The following PDE11A variants were observed in gnomAD, a reference collection of about 807,000 sequenced individuals.
PDE11A encodes the protein phosphodiesterase 11A, also known as dual 3',5'-cyclic-AMP and -GMP phosphodiesterase 11A.
A neutral mutation model predicts 100.5 loss-of-function variants in PDE11A; 100 were observed. That is an observed-to-expected ratio of 1.00 (90% CI 0.85 to 1.18). The LOEUF (loss-of-function observed/expected upper bound fraction) is 1.18, where lower values mean the gene tolerates loss of function less well. PDE11A is among the 50% of genes most tolerant of loss of function. The probability of loss-of-function intolerance (pLI) is 0.00; values close to 1 mark genes in which losing one functional copy is unlikely to be tolerated. For missense variants in PDE11A, 1,141 were observed against 1,152.6 expected, an observed-to-expected ratio of 0.99 and a Z score of 0.15; for synonymous variants, 381 against 420.8, an observed-to-expected ratio of 0.91 and a Z score of 1.16.
chr2:177,809,731 CTG>C, intron 9 of PDE11A, among the ~76,000 whole-genome samples: 1 of 57,646 alleles, frequency 1.7e-5, no homozygotes, highest in East Asian at 4.1e-4. Context: ...AATTTAACAT[CTG>C]TGTGTGCAGA....
chr2:177,779,483 T>C (rs1290799882), intron 9 of PDE11A, among the ~76,000 whole-genome samples: 2 of 152,276 alleles, frequency 1.3e-5, no homozygotes, highest in African/African-American at 4.8e-5. Context: ...TCTCAATTCC[T>C]GCCACTGTTT....
chr2:177,983,079 A>G (rs2085902264), intron 2 of PDE11A, among the ~76,000 whole-genome samples: 1 of 150,530 alleles, frequency 6.6e-6, no homozygotes, highest in Non-Finnish European at 1.5e-5. Flanking sequence ...CTGTCTCAAG[A>G]AAAAAATCAT....
chr2:177,997,750 C>G, intron 2 of PDE11A: 11 of 1,442,222 alleles, frequency 7.6e-6, no homozygotes, highest in African/African-American at 1.4e-5. Flanking sequence ...TTCCACATAA[C>G]TGAACTGTAG....
chr2:177,917,917 A>G (rs2084977906), intron 2 of PDE11A, among the ~76,000 whole-genome samples: 1 of 152,200 alleles, frequency 6.6e-6, no homozygotes, highest in Non-Finnish European at 1.5e-5. Flanking sequence ...GGCTATGAAA[A>G]TATGCTTAGA....
chr2:178,052,564 T>G (rs1295280110), intron 1 of PDE11A, among the ~76,000 whole-genome samples: 1 of 151,984 alleles, frequency 6.6e-6, no homozygotes, highest in East Asian at 1.9e-4. Context: ...AAAAAATCAA[T>G]GAATCCAGGA....
intron 2 of PDE11A, among the ~76,000 whole-genome samples, chr2:177,934,967 G>A (rs572367448): frequency 6.6e-6 from 1 of 152,336 alleles, no homozygotes; most frequent in East Asian, 1.9e-4. Context: ...ACTAGAGGTG[G>A]AGGGGGGAGT....
intron 17 of PDE11A, among the ~76,000 whole-genome samples, chr2:177,672,351 T>C (rs2080696270): frequency 6.6e-6 from 1 of 152,200 alleles, no homozygotes; most frequent in South Asian, 2.1e-4. Flanking sequence ...GAGCAAGAAA[T>C]AAACCTTTAT....
chr2:177,817,494 G>A (rs79240688), intron 8 of PDE11A, among the ~76,000 whole-genome samples: 3,283 of 152,276 alleles, frequency 0.022, 62 homozygotes, highest in South Asian at 0.044. Flanking sequence ...GTGAATGCAC[G>A]GAAGCGTGTA....
chr2:177,956,753 T>C (rs1000650746), intron 2 of PDE11A, among the ~76,000 whole-genome samples: 136 of 152,254 alleles, frequency 8.9e-4, no homozygotes, highest in Middle Eastern at 3.4e-3. Flanking sequence ...AGTTCATGTC[T>C]TTTGTAGGGA....
At chr2:177,871,454 C>T (rs1389361759) in intron 5 of PDE11A, among the ~76,000 whole-genome samples, 4 of 151,790 alleles carry the variant, frequency 2.6e-5, no homozygotes, top group Non-Finnish European at 5.9e-5. Context: ...CATCATAGAA[C>T]GCTGCTCTGT....
At chr2:177,687,395 G>A (rs962459179) in intron 15 of PDE11A, 4 of 152,116 alleles carry the variant, frequency 2.6e-5, no homozygotes, top group Admixed American at 6.5e-5. Context: ...TGCTCTATGT[G>A]TTTTAAAAGT....
chr2:177,922,593 C>A (rs1363889410), intron 2 of PDE11A: 2 of 686,308 alleles, frequency 2.9e-6, no homozygotes, highest in Non-Finnish European at 3.6e-6. Flanking sequence ...GAGCCATGTC[C>A]CATACCTGAC....
intron 2 of PDE11A, among the ~76,000 whole-genome samples, chr2:177,912,866 G>A (rs2084902097): frequency 6.6e-6 from 1 of 151,844 alleles, no homozygotes; most frequent in African/African-American, 2.4e-5. Flanking sequence ...TACCTATTAT[G>A]ACCAGTTTCT....
intron 1 of PDE11A, among the ~76,000 whole-genome samples, chr2:178,050,118 C>T (rs911052458): frequency 1.3e-5 from 2 of 152,138 alleles, no homozygotes; most frequent in Non-Finnish European, 2.9e-5. Flanking sequence ...CAGACTGACA[C>T]CTCATACGGC....
At chr2:177,869,111 A>G (rs1337515206) in intron 5 of PDE11A, among the ~76,000 whole-genome samples, 1 of 152,220 alleles carries the variant, frequency 6.6e-6, no homozygotes, top group African/African-American at 2.4e-5. Flanking sequence ...TCTCATTTTC[A>G]TCTGAGAATG....
At chr2:177,702,181 G>A (rs1165218410) in intron 13 of PDE11A, among the ~76,000 whole-genome samples, 1 of 152,026 alleles carries the variant, frequency 6.6e-6, no homozygotes, top group Admixed American at 6.6e-5. Context: ...CCTTAACAAT[G>A]TCAGTTCTGC....
chr2:177,771,589 A>C (rs1230911051), intron 9 of PDE11A, among the ~76,000 whole-genome samples: 1 of 152,204 alleles, frequency 6.6e-6, no homozygotes, highest in Non-Finnish European at 1.5e-5. Flanking sequence ...CTCCTCCTGA[A>C]AACACTAACA....
At position 177,711,468 on chromosome 2, in the gene PDE11A, C is replaced by T. The variant is rs534224387; in HGVS notation, c.2153+301G>A. On this transcript the variant is annotated intron_variant, in intron 13 of 19. Coordinates refer to ENST00000286063, the MANE Select transcript of PDE11A (RefSeq NM_016953.4). ...AGTAGCAAGTCCAAGAAGCTTATAA[C>T]GCCATAAAGGCAAATATTCTGGGAG... is the stretch of plus-strand genomic sequence containing the variant. 9.2e-5 allele frequency among the ~76,000 whole-genome samples: 14 copies of T among 152,288 alleles called. No individual in the cohort carries two copies. In the East Asian group the frequency reaches 1.4e-3, roughly 15 times the overall value.
At chr2:177,830,948 C>T (rs2083298942) in intron 6 of PDE11A, among the ~76,000 whole-genome samples, 1 of 152,138 alleles carries the variant, frequency 6.6e-6, no homozygotes, top group African/African-American at 2.4e-5. Context: ...GAATTTAAAG[C>T]TCACAAATGT....
Sources: allele counts gnomAD v4.1 joint callset (sites outside exome capture counted in the v4.1 genomes callset), GRCh38; gene constraint gnomAD v4.1.1; transcripts MANE v1.5; gene names NCBI Gene and HGNC (gene_info 2026-07-23, HGNC 2026-07-21).